Variants in GOLGB1 observed in about 807,000 individuals in gnomAD.
GOLGB1 encodes golgin subfamily B member 1.
In GOLGB1, 174 loss-of-function variants were observed where a neutral mutation model predicts 336.9. That is an observed-to-expected ratio of 0.52 (90% CI 0.46 to 0.59). The LOEUF is 0.59. Ranked by LOEUF, GOLGB1 falls within the 20% of genes least tolerant of loss-of-function variation. GOLGB1 has a pLI of 0.00. For synonymous variants in GOLGB1, 1,208 were observed against 1,289.2 expected, an observed-to-expected ratio of 0.94 and a Z score of 1.35; for missense variants, 3,331 against 3,645.3, an observed-to-expected ratio of 0.91 and a Z score of 2.22.
intron 10 of GOLGB1, among the ~76,000 whole-genome samples, chr3:121,713,419 T>C (rs1944504975): frequency 6.6e-6 from 1 of 152,194 alleles, no homozygotes; most frequent in Non-Finnish European, 1.5e-5. Flanking sequence ...AAATTCAGCA[T>C]GTTCATAAAA....
intron 17 of GOLGB1, among the ~76,000 whole-genome samples, chr3:121,673,289 G>A (rs1045228667): frequency 2.0e-5 from 3 of 152,006 alleles, no homozygotes; most frequent in African/African-American, 4.8e-5. Context: ...GGATGGTCTC[G>A]AACTCCTGAC....
intron 14 of GOLGB1, among the ~76,000 whole-genome samples, chr3:121,688,874 C>T (rs1359086745): frequency 1.3e-4 from 20 of 149,670 alleles, no homozygotes; most frequent in South Asian, 4.3e-4. Flanking sequence ...TCTGCCCAGC[C>T]GCCCCGTCTG....
At chr3:121,733,649 G>A (rs1250677020) in intron 1 of GOLGB1, among the ~76,000 whole-genome samples, 3 of 152,150 alleles carry the variant, frequency 2.0e-5, no homozygotes, top group Non-Finnish European at 2.9e-5. Flanking sequence ...AAGGCAAGGA[G>A]TGTGGAAATT....
At chr3:121,677,851 G>C (rs1940606503) in intron 15 of GOLGB1, among the ~76,000 whole-genome samples, 1 of 152,140 alleles carries the variant, frequency 6.6e-6, no homozygotes, top group Non-Finnish European at 1.5e-5. Context: ...GAGGCATCAA[G>C]CGATGCTCTG....
intron 11 of GOLGB1, 63 bp downstream of exon 11, chr3:121,702,418 G>A: frequency 3.3e-6 from 2 of 603,300 alleles, no homozygotes. Context: ...CATAATTAGT[G>A]ATAAAAGTAG....
intron 1 of GOLGB1, among the ~76,000 whole-genome samples, chr3:121,744,618 C>CAAAAAAAA (rs200070177): frequency 1.7e-5 from 1 of 59,956 alleles, no homozygotes; most frequent in Admixed American, 2.0e-4. Flanking sequence ...GACCTTGTCT[C>CAAAAAAAA]AAAAAAAAAA....
chr3:121,688,115 A>G (rs1360708755), intron 14 of GOLGB1, among the ~76,000 whole-genome samples: 1 of 152,176 alleles, frequency 6.6e-6, no homozygotes, highest in African/African-American at 2.4e-5. Context: ...GTTAGGGGTA[A>G]TAATCTTTTC....
At chr3:121,700,140 G>T (rs1435482037) in intron 11 of GOLGB1, among the ~76,000 whole-genome samples, 1 of 152,012 alleles carries the variant, frequency 6.6e-6, no homozygotes, top group African/African-American at 2.4e-5. Flanking sequence ...AAAGGAGAAG[G>T]ATGCCAGGAT....
chr3:121,733,362 A>G (rs2108318575), intron 1 of GOLGB1, among the ~76,000 whole-genome samples: 1 of 152,128 alleles, frequency 6.6e-6, no homozygotes, highest in South Asian at 2.1e-4. Flanking sequence ...ACCAATAAGA[A>G]TACCATTTAC....
At position 121,695,407 on chromosome 3, in the gene GOLGB1, C is replaced by A; in HGVS notation, c.5116G>T (p.Ala1706Ser). The A allele has an allele frequency of 1.2e-6, 2 of 1,614,014 alleles. No individual in the cohort carries two copies. Among genetic ancestry groups the A allele is most frequent in the Non-Finnish European group, 1.7e-6 (2 of 1,179,968 alleles). ...GTATCTCCTGCAGGGTGCACCTCTG[C>A]CCTAAGCCGGTCATTCTCTTCTTCC... ...ELEEENDRLR[A>S]EVHPAGDTAK... Residue 1706 changes from alanine (A) to serine (S), a missense_variant, in exon 13 of 22, where the codon GCA (alanine) becomes TCA (serine). Ala to Ser is a moderately conservative substitution (Grantham distance 99). Transcript: ENST00000614479.
chr3:121,732,377 T>C (rs1574655), intron 1 of GOLGB1, among the ~76,000 whole-genome samples: 105,721 of 152,092 alleles, frequency 0.7, 37,556 homozygotes, highest in East Asian at 0.85. Context: ...TTTACCAGAC[T>C]AGCATTGCCC....
chr3:121,664,433 A>G lies in GOLGB1; in HGVS notation c.*47T>C, dbSNP rs995292165. On this transcript the variant is annotated 3_prime_UTR_variant, in exon 22 of 22. Transcript: ENST00000614479. The stretch of plus-strand genomic sequence containing the variant: ...TTGATGTTCTGATGTTAGAGGTGAG[A>G]GAATTCCAAGTTTTGAGGGGAGTGG... 1.3e-6 allele frequency: 2 copies of G among 1,532,136 alleles called. No individual in the cohort carries two copies. Among genetic ancestry groups the G allele is most frequent in the Non-Finnish European group, 1.8e-6 (2 of 1,105,706 alleles). 94.9% of individuals were successfully genotyped at this position (1,532,136 alleles called of 1,614,324 possible).
At chr3:121,699,907 T>A (rs1943250894) in intron 11 of GOLGB1, 22 bp from the exon 12 acceptor site, 1 of 1,426,972 alleles carries the variant, frequency 7.0e-7, no homozygotes, top group Non-Finnish European at 9.9e-7. Flanking sequence ...AAAATAAATA[T>A]CTTTAGAAGA....
At chr3:121,727,475 G>A (rs1016851921) in intron 4 of GOLGB1, among the ~76,000 whole-genome samples, 5 of 151,340 alleles carry the variant, frequency 3.3e-5, no homozygotes, top group Non-Finnish European at 5.9e-5. Context: ...AAATGGTACC[G>A]AGTTTCCCAT....
intron 6 of GOLGB1, among the ~76,000 whole-genome samples, chr3:121,720,679 T>C (rs1445054519): frequency 2.6e-5 from 4 of 152,202 alleles, no homozygotes; most frequent in Admixed American, 2.6e-4. Context: ...TTTGGACTCT[T>C]GTGTTTCAAG....
At chr3:121,675,349 T>C (rs915246832) in intron 17 of GOLGB1, among the ~76,000 whole-genome samples, 12 of 152,214 alleles carry the variant, frequency 7.9e-5, no homozygotes, top group Non-Finnish European at 1.8e-4. Context: ...TATTATATAT[T>C]ACATACGTGT....
At chr3:121,692,697 A>C in intron 13 of GOLGB1, 116 bp from the exon 14 acceptor site, 1 of 609,078 alleles carries the variant, frequency 1.6e-6, no homozygotes, top group East Asian at 2.8e-5. Context: ...CATTCATAAC[A>C]GGTGTTAAAT....
At chr3:121,734,262 T>C (rs547356747) in intron 1 of GOLGB1, among the ~76,000 whole-genome samples, 4 of 152,070 alleles carry the variant, frequency 2.6e-5, no homozygotes, top group African/African-American at 9.6e-5. Context: ...TGATGGCGCA[T>C]GCCTGTAGTC....
Position 121,681,697 on chromosome 3 carries a change from G to A in GOLGB1, c.8863C>T (p.His2955Tyr). Residue 2955 changes from histidine (H) to tyrosine (Y), a missense_variant, in exon 15 of 22, where the codon CAT becomes TAT. Physicochemically the swap from His to Tyr is moderately conservative, Grantham distance 83 (BLOSUM62 2). Transcript: ENST00000614479. ...QENLSWQHEL[H>Y]QLRMEKSSWE... ...GATTATATATAGTACCTGAGCTGAT[G>A]CAGCTCATGCTGCCAGGAGAGGTTT... The A allele has an allele frequency of 1.9e-6, 3 of 1,591,150 alleles. No homozygotes were observed. The highest frequency in any genetic ancestry group is 2.2e-5 in the East Asian group (1 of 44,762).
Sources: allele counts gnomAD v4.1 joint callset (sites outside exome capture counted in the v4.1 genomes callset), GRCh38; gene constraint gnomAD v4.1.1; transcripts MANE v1.5; gene names NCBI Gene and HGNC (gene_info 2026-07-23, HGNC 2026-07-21).